Variants in ZKSCAN3 observed in about 807,000 individuals in gnomAD.
ZKSCAN3 encodes the protein zinc finger protein with KRAB and SCAN domains 3.
A neutral mutation model predicts 30.7 loss-of-function variants in ZKSCAN3; 21 were observed. That is an observed-to-expected ratio of 0.68 (90% CI 0.49 to 0.99). The LOEUF (loss-of-function observed/expected upper bound fraction) is 0.99, where lower values mean the gene tolerates loss of function less well. ZKSCAN3 is among the 50% of genes least tolerant of loss of function. The probability of loss-of-function intolerance (pLI) is 0.00; values close to 1 mark genes in which losing one functional copy is unlikely to be tolerated. For missense variants in ZKSCAN3, 507 were observed against 647.1 expected, an observed-to-expected ratio of 0.78 and a Z score of 2.35; for synonymous variants, 201 against 246.7, an observed-to-expected ratio of 0.81 and a Z score of 1.73.
At chr6:28,350,940 A>T (rs972525851) in intron 1 of ZKSCAN3, among the ~76,000 whole-genome samples, 1 of 152,168 alleles carries the variant, frequency 6.6e-6, no homozygotes, top group African/African-American at 2.4e-5. Context: ...GTGAAAAAGG[A>T]CTAGGACCCC....
In ZKSCAN3 at chr6:28,361,304, T is replaced by C; in HGVS notation, c.403-20T>C. The C allele has an allele frequency of 6.2e-7, 1 of 1,608,354 alleles. No individual in the cohort carries two copies. Among genetic ancestry groups the C allele is most frequent in the Non-Finnish European group, 8.5e-7 (1 of 1,178,550 alleles). ...GAAGTGTTTGATGAAAACATGAAAATAAGAACAAATGATTTCTAGGTTTCA... is the reference window on the plus strand; with the variant it reads ...GAAGTGTTTGATGAAAACATGAAAACAAGAACAAATGATTTCTAGGTTTCA... On this transcript the variant is annotated intron_variant, in intron 2 of 5. Coordinates refer to ENST00000252211, the MANE Select transcript of ZKSCAN3 (RefSeq NM_024493.4).
In ZKSCAN3 at chr6:28,367,739, TAGA is replaced by T. The variant is rs1766024185; in HGVS notation, c.*1455_*1457del. The T allele has an allele frequency of 2.1e-5, 3 of 141,522 alleles. No individual in the cohort carries two copies. Among genetic ancestry groups the T allele is most frequent in the Admixed American group, 2.1e-4 (3 of 14,162 alleles). 8.8% of individuals were successfully genotyped at this position (141,522 alleles called of 1,614,324 possible). A position where few individuals can be genotyped will look rare whatever the true frequency, so the allele number is the denominator to read the frequency against. ...CACACCAAATTTTTTTTTTTTTTTT[TAGA>T]CGGAGTCTTCTCTGTCACCCAGGCT... On this transcript the variant is annotated 3_prime_UTR_variant, in exon 6 of 6. Coordinates refer to ENST00000252211, the MANE Select transcript of ZKSCAN3 (RefSeq NM_024493.4).
chr6:28,366,117 T>C lies in ZKSCAN3; in HGVS notation c.1449T>C (p.Asn483=). The part of the protein sequence containing the change: ...NVETPMSYKC[N]ECERSFTQNT... Reference sequence around the variant, plus strand: ...AAACTCCCATGTCTTATAAATGTAATGAGTGTGAAAGAAGTTTCACTCAGA... The same window carrying C: ...AAACTCCCATGTCTTATAAATGTAACGAGTGTGAAAGAAGTTTCACTCAGA... The change falls in exon 6 of 6, where the codon AAT becomes AAC. Residue 483 remains asparagine (N), a synonymous_variant. Coordinates refer to ENST00000252211, the MANE Select transcript of ZKSCAN3 (RefSeq NM_024493.4). The C allele has an allele frequency of 6.2e-7, 1 of 1,609,800 alleles. No individual in the cohort carries two copies. Among genetic ancestry groups the C allele is most frequent in the East Asian group, 2.2e-5 (1 of 44,788 alleles).
At position 28,363,730 on chromosome 6, in the gene ZKSCAN3, C is replaced by T. The variant is rs1765853698; in HGVS notation, c.672C>T (p.Thr224=). The change falls in exon 5 of 6, where the codon ACC becomes ACT. Residue 224 remains threonine, a synonymous_variant. Transcript: ENST00000252211. ...LKVEDVALTL[T]PEWTQQDSSQ... ...TGGAAGATGTGGCCCTGACCCTCACCCCTGAATGGACACAGCAGGATTCAT... is the reference window on the plus strand; with the variant it reads ...TGGAAGATGTGGCCCTGACCCTCACTCCTGAATGGACACAGCAGGATTCAT... 6.2e-7 allele frequency: 1 copy of T among 1,613,990 alleles called. No individual in the cohort carries two copies. The highest frequency in any genetic ancestry group is 8.5e-7 in the Non-Finnish European group (1 of 1,179,956).
At chr6:28,352,562 T>C (rs116186273) in intron 1 of ZKSCAN3, among the ~76,000 whole-genome samples, 4,862 of 152,310 alleles carry the variant, frequency 0.032, 104 homozygotes, top group Middle Eastern at 0.054. Flanking sequence ...TTGATCTTGA[T>C]TGTACCCAAG....
chr6:28,350,447 G>A (rs1305522793), intron 1 of ZKSCAN3: 1 of 152,194 alleles, frequency 6.6e-6, no homozygotes, highest in Non-Finnish European at 1.5e-5. Flanking sequence ...GAACGTTGGA[G>A]TCAGATTACC....
intron 4 of ZKSCAN3, 72 bp downstream of exon 4, chr6:28,363,457 C>A: frequency 6.9e-7 from 1 of 1,452,284 alleles, no homozygotes; most frequent in Non-Finnish European, 9.6e-7. Flanking sequence ...CTCCTCACTC[C>A]CCATTCCCCT....
chr6:28,354,961 A>C lies in ZKSCAN3; in HGVS notation c.-62-4564A>C, dbSNP rs565514684. On this transcript the variant is annotated intron_variant, in intron 1 of 5. Transcript: ENST00000252211. ...TCACCATTTACATTGCCCTGAGTTC[A>C]GTTTATTAGCTACTTTGTCCACACC... Among the ~76,000 whole-genome samples the C allele has an allele frequency of 8.5e-5, 13 of 152,322 alleles. No individual in the cohort carries two copies. In the South Asian group the frequency reaches 1.9e-3, roughly 22 times the overall value.
At chr6:28,363,548 A>G in intron 4 of ZKSCAN3, 144 bp from the exon 5 acceptor site, 1 of 1,377,658 alleles carries the variant, frequency 7.3e-7, no homozygotes, top group South Asian at 1.4e-5. Context: ...TTTATCATTA[A>G]CTTTATTTAG....
In ZKSCAN3 at chr6:28,363,382, C is replaced by G. The variant is rs1765837533; in HGVS notation, c.630C>G (p.Ser210=). ...KVVASRLTPE[S]QGLLKVEDVA... ...TAGCTTCTAGGCTTACTCCAGAGTC[C>G]CAGGTGAGCTGGAGCCCTATCCCTC... The change falls in exon 4 of 6, where the codon TCC becomes TCG. Residue 210 remains serine (S), a synonymous_variant. Transcript: ENST00000252211. The G allele has an allele frequency of 1.2e-6, 2 of 1,613,798 alleles. No homozygotes were observed. The highest frequency in any genetic ancestry group is 1.7e-6 in the Non-Finnish European group (2 of 1,179,840).
chr6:28,360,193 A>G, intron 2 of ZKSCAN3: 1 of 890,700 alleles, frequency 1.1e-6, no homozygotes. Context: ...AGGATTACAA[A>G]AGAACGCAGT....
At chr6:28,361,293 A>T in intron 2 of ZKSCAN3, 31 bp from the exon 3 acceptor site, 2 of 1,607,320 alleles carry the variant, frequency 1.2e-6, no homozygotes, top group Admixed American at 3.4e-5. Context: ...TGTTTGATGA[A>T]AACATGAAAA....
rs985963325 is a variant in ZKSCAN3, at chr6:28,367,689, C to G, written c.*1404C>G. On this transcript the variant is annotated 3_prime_UTR_variant, in exon 6 of 6. Coordinates refer to ENST00000252211, the MANE Select transcript of ZKSCAN3 (RefSeq NM_024493.4). ...CATCAAAACTTATTCCTGCTAAGTT[C>G]ATACTTTCTCCAGCTCAATGGATTC... The G allele has an allele frequency of 6.6e-6, 1 of 151,576 alleles. No homozygotes were observed. The highest frequency in any genetic ancestry group is 2.1e-4 in the South Asian group (1 of 4,794). The allele number at this position is 151,576 out of a possible 1,614,324, so 9.4% of individuals were successfully genotyped here. A position where few individuals can be genotyped will look rare whatever the true frequency, so the allele number is the denominator to read the frequency against.
In ZKSCAN3 at chr6:28,359,769, C is replaced by A. The variant is rs749140174; in HGVS notation, c.183C>A (p.Arg61=). Residue 61 remains arginine, a synonymous_variant, in exon 2 of 6, where the codon CGC becomes CGA. Coordinates refer to ENST00000252211, the MANE Select transcript of ZKSCAN3 (RefSeq NM_024493.4). Reference sequence around the variant, plus strand: ...GCTACCCGGAGGCTGCAGGCCCCCGCGAGGCGCTGAGTCGGCTCCGAGAGC... The same window carrying A: ...GCTACCCGGAGGCTGCAGGCCCCCGAGAGGCGCTGAGTCGGCTCCGAGAGC... The part of the protein sequence containing the change: ...GFRYPEAAGP[R]EALSRLRELC... 1 of 1,614,196 alleles carries A rather than the reference C, an allele frequency of 6.2e-7. No homozygotes were observed.
chr6:28,364,814 A>C (rs1024812312), intron 5 of ZKSCAN3, among the ~76,000 whole-genome samples: 6 of 151,856 alleles, frequency 4.0e-5, no homozygotes, highest in African/African-American at 1.5e-4. Flanking sequence ...TGCATCCTCT[A>C]CCTCTCATGT....
Position 28,365,496 on chromosome 6 carries a change from G to T in ZKSCAN3, c.828G>T (p.Lys276Asn). The T allele has an allele frequency of 6.2e-7, 1 of 1,614,236 alleles. No homozygotes were observed. ...AEELPEKEHG[K>N]ISCHLREDIA... ...AGCTTCCAGAAAAGGAGCATGGGAAGATATCGTGCCACCTGAGAGAAGACA... is the reference window on the plus strand; with the variant it reads ...AGCTTCCAGAAAAGGAGCATGGGAATATATCGTGCCACCTGAGAGAAGACA... Residue 276 changes from lysine (K) to asparagine (N), a missense_variant, in exon 6 of 6, where the codon AAG becomes AAT. By Grantham distance (94) the Lys-to-Asn change is moderately conservative. Coordinates refer to ENST00000252211, the MANE Select transcript of ZKSCAN3 (RefSeq NM_024493.4).
In ZKSCAN3 at chr6:28,351,485, G is replaced by A. The variant is rs749198274; in HGVS notation, c.-63+1418G>A. On this transcript the variant is annotated intron_variant, in intron 1 of 5. Transcript: ENST00000252211. The surrounding 1 kb of genome is among the most constrained non-coding windows in gnomAD (Gnocchi z 4.6). ...ACATTGTTTAATTTTCTAAAATTTTGGAGAGAAATTTAAACACATTTAATT... is the reference window on the plus strand; with the variant it reads ...ACATTGTTTAATTTTCTAAAATTTTAGAGAGAAATTTAAACACATTTAATT... Among the ~76,000 whole-genome samples, 3 of 152,028 alleles carry A rather than the reference G, an allele frequency of 2.0e-5. No individual in the cohort carries two copies. Among genetic ancestry groups the A allele is most frequent in the Non-Finnish European group, 4.4e-5 (3 of 68,016 alleles).
At position 28,359,835 on chromosome 6, in the gene ZKSCAN3, G is replaced by A; in HGVS notation, c.249G>A (p.Glu83=). The A allele has an allele frequency of 6.2e-7, 1 of 1,608,962 alleles. No homozygotes were observed. Among genetic ancestry groups the A allele is most frequent in the African/African-American group, 1.3e-5 (1 of 75,052 alleles). Reference sequence around the variant, plus strand: ...TGCAGCCTGAGATGCACAGCAAGGAGCAGATCCTGGAGCTGCTGGTGCTGG... The same window carrying A: ...TGCAGCCTGAGATGCACAGCAAGGAACAGATCCTGGAGCTGCTGGTGCTGG... ...QWLQPEMHSK[E]QILELLVLEQ... The change falls in exon 2 of 6, where the codon GAG becomes GAA. Residue 83 remains glutamate, a synonymous_variant. Transcript: ENST00000252211.
Position 28,367,503 on chromosome 6 carries a change from C to A in ZKSCAN3, c.*1218C>A, listed in dbSNP as rs1766012857. 6.6e-6 allele frequency: 1 copy of A among 152,002 alleles called. No homozygotes were observed. The highest frequency in any genetic ancestry group is 2.1e-4 in the South Asian group (1 of 4,806). The allele number at this position is 152,002 out of a possible 1,614,324, so 9.4% of individuals were successfully genotyped here. On this transcript the variant is annotated 3_prime_UTR_variant, in exon 6 of 6. Transcript: ENST00000252211. ...TGCTATTCTTTAAGGAAAAAACTTTCCTATTCAGACAGTGTGAAAATCAGT... is the reference window on the plus strand; with the variant it reads ...TGCTATTCTTTAAGGAAAAAACTTTACTATTCAGACAGTGTGAAAATCAGT...
Sources: allele counts gnomAD v4.1 joint callset (sites outside exome capture counted in the v4.1 genomes callset), GRCh38; gene constraint gnomAD v4.1.1; non-coding constraint Gnocchi (gnomAD v3.1); transcripts MANE v1.5; gene names NCBI Gene and HGNC (gene_info 2026-07-23, HGNC 2026-07-21).